Variants in PDE4D observed in about 807,000 individuals in gnomAD.
PDE4D encodes 3',5'-cyclic-AMP phosphodiesterase 4D.
In PDE4D, 24 loss-of-function variants were observed where a neutral mutation model predicts 87.4. The ratio of observed to expected loss-of-function variants is 0.27; its 90% CI spans 0.20 to 0.39. The LOEUF (loss-of-function observed/expected upper bound fraction) is 0.39. Among genes scored for constraint, PDE4D ranks in the 10% least tolerant of loss-of-function variants. PDE4D has a pLI of 1.00. For missense variants in PDE4D, 714 were observed against 1,041.0 expected (o/e 0.69, Z 4.32); for synonymous variants, 384 against 383.2 (o/e 1.00, Z -0.02).
At chr5:60,312,448 A>G (rs1025095455) in intron 1 of PDE4D, among the ~76,000 whole-genome samples, 6 of 152,250 alleles carry the variant, frequency 3.9e-5, no homozygotes, top group Admixed American at 3.3e-4. Context: ...ATAAAGGAAG[A>G]AAGTTTCATT....
At chr5:59,464,247 T>C (rs1258305535) in intron 1 of PDE4D, among the ~76,000 whole-genome samples, 1 of 152,182 alleles carries the variant, frequency 6.6e-6, no homozygotes, top group African/African-American at 2.4e-5. Context: ...GAGGAAGGCA[T>C]GCCTCTTGCA....
intron 2 of PDE4D, among the ~76,000 whole-genome samples, chr5:60,149,211 T>C (rs2149437561): frequency 6.6e-6 from 1 of 152,272 alleles, no homozygotes; most frequent in South Asian, 2.1e-4. Context: ...TTGAGTAACT[T>C]ACAAAGAAAA....
intron 1 of PDE4D, among the ~76,000 whole-genome samples, chr5:60,338,450 A>G (rs1172459224): frequency 3.3e-5 from 5 of 152,202 alleles, no homozygotes; most frequent in African/African-American, 7.2e-5. Flanking sequence ...AAGTTCTAAC[A>G]GCCTCTTGAC....
intron 5 of PDE4D, among the ~76,000 whole-genome samples, chr5:59,052,095 G>A (rs1460475342): frequency 6.6e-6 from 1 of 152,192 alleles, no homozygotes; most frequent in African/African-American, 2.4e-5. Flanking sequence ...ATAACCTGCT[G>A]AGAAAATCAG....
At chr5:59,763,173 C>A (rs1418147458) in intron 1 of PDE4D, among the ~76,000 whole-genome samples, 2 of 151,522 alleles carry the variant, frequency 1.3e-5, no homozygotes, top group Admixed American at 6.6e-5. Flanking sequence ...AAATCTGAGT[C>A]TGGGGTCAGG....
intron 1 of PDE4D, among the ~76,000 whole-genome samples, chr5:60,305,405 A>G (rs936922566): frequency 6.6e-6 from 1 of 152,124 alleles, no homozygotes; most frequent in Non-Finnish European, 1.5e-5. Flanking sequence ...AAGCCTTCAC[A>G]GGGAGAAAGG....
intron 1 of PDE4D, among the ~76,000 whole-genome samples, chr5:59,742,992 T>C (rs987533170): frequency 7.9e-5 from 12 of 152,278 alleles, no homozygotes; most frequent in Admixed American, 7.2e-4. Flanking sequence ...CACGATACTA[T>C]TGCACTAATA....
chr5:60,247,707 TCCTCTCTCTCCTCTC>T (rs1318051788), intron 1 of PDE4D, among the ~76,000 whole-genome samples: 2 of 151,922 alleles, frequency 1.3e-5, no homozygotes, highest in Non-Finnish European at 2.9e-5. Context: ...CTCTAGTGCT[TCCTCTCTCTCCTCTC>T]CCTCTCTCTC....
chr5:59,454,985 A>G (rs1286267230), intron 1 of PDE4D, among the ~76,000 whole-genome samples: 1 of 152,214 alleles, frequency 6.6e-6, no homozygotes, highest in Non-Finnish European at 1.5e-5. Context: ...AAAGCATTCA[A>G]GAGGTGACTT....
intron 1 of PDE4D, among the ~76,000 whole-genome samples, chr5:59,389,706 T>G (rs1170010648): frequency 2.6e-5 from 4 of 152,076 alleles, no homozygotes; most frequent in African/African-American, 9.7e-5. Context: ...CTAAGTGTCC[T>G]TGATGGAACT....
At chr5:59,149,756 T>C (rs1561573083) in intron 5 of PDE4D, among the ~76,000 whole-genome samples, 6 of 124,658 alleles carry the variant, frequency 4.8e-5, no homozygotes, top group Non-Finnish European at 6.3e-5. Context: ...GTACCAAGAG[T>C]GACTACAAGT....
chr5:59,747,167 C>T (rs7732908), intron 1 of PDE4D, among the ~76,000 whole-genome samples: 16,902 of 152,076 alleles, frequency 0.11, 1,095 homozygotes, highest in Middle Eastern at 0.19. Flanking sequence ...CACTGTTAAG[C>T]GTCTCTCCCT....
intron 3 of PDE4D, among the ~76,000 whole-genome samples, chr5:59,952,083 C>T (rs1029055837): frequency 3.3e-5 from 5 of 152,136 alleles, no homozygotes; most frequent in African/African-American, 1.2e-4. Context: ...CCATCCGGCT[C>T]TTGTGATAGT....
chr5:59,397,887 G>T (rs1251234468), intron 1 of PDE4D, among the ~76,000 whole-genome samples: 1 of 91,336 alleles, frequency 1.1e-5, no homozygotes, highest in Admixed American at 1.1e-4. Context: ...AATAAAAAAT[G>T]ATAAAGGGGA....
At chr5:60,231,195 C>A (rs956792687) in intron 1 of PDE4D, among the ~76,000 whole-genome samples, 4 of 152,024 alleles carry the variant, frequency 2.6e-5, no homozygotes, top group African/African-American at 4.8e-5. Context: ...TGAATCCACA[C>A]TTCTCATCTC....
chr5:59,045,556 C>CAAAA (rs36051277), intron 5 of PDE4D, among the ~76,000 whole-genome samples: 3 of 70,970 alleles, frequency 4.2e-5, no homozygotes, highest in African/African-American at 1.6e-4. Flanking sequence ...AACTCTGTCT[C>CAAAA]AAAAAAAAAA....
rs567579661 is a variant in PDE4D at position 60,239,376 on chromosome 5, C to T, written c.-89-53689G>A. On this transcript the variant is annotated intron_variant, in intron 1 of 16. Coordinates refer to the PDE4D transcript ENST00000502484. ...TGACATGTGGTAGGGCTAATCTTCC[C>T]GACTTCTTCAAAATTGTGTTGGTTA... Among the ~76,000 whole-genome samples, 23 of 152,138 alleles carry T rather than the reference C, an allele frequency of 1.5e-4. No individual in the cohort carries two copies. In the South Asian group the frequency reaches 4.8e-3, roughly 32 times the overall value.
At chr5:59,970,490 T>C (rs1760601702) in intron 3 of PDE4D, among the ~76,000 whole-genome samples, 1 of 151,988 alleles carries the variant, frequency 6.6e-6, no homozygotes, top group Admixed American at 6.5e-5. Context: ...GAATCTACAA[T>C]GAACTTAAAC....
intron 1 of PDE4D, chr5:59,586,349 A>G: frequency 6.2e-7 from 1 of 1,612,718 alleles, no homozygotes; most frequent in South Asian, 1.1e-5. Flanking sequence ...AATGCCTTCT[A>G]AAGGGAAAAT....
Sources: allele counts gnomAD v4.1 joint callset (sites outside exome capture counted in the v4.1 genomes callset), GRCh38; gene constraint gnomAD v4.1.1; transcripts MANE v1.5; gene names NCBI Gene and HGNC (gene_info 2026-07-23, HGNC 2026-07-21).